The following NTM variants were observed in gnomAD, a reference collection of about 807,000 sequenced individuals.
NTM encodes IgLON family member 2.
NTM carries 13 observed loss-of-function variants against 42.1 expected under a neutral mutation model. The observed-to-expected ratio is 0.31, with a 90% CI of 0.20 to 0.49. The LOEUF is 0.49. Among genes scored for constraint, NTM ranks in the 20% least tolerant of loss-of-function variants. NTM has a pLI of 0.99. For synonymous variants in NTM, 187 were observed against 179.2 expected (o/e 1.04, Z -0.35); for missense variants, 373 against 452.8 (o/e 0.82, Z 1.60).
At chr11:131,391,644 G>T in intron 1 of NTM, among the ~76,000 whole-genome samples, 2 of 81,566 alleles carry the variant, frequency 2.5e-5, no homozygotes, top group African/African-American at 4.6e-5. Context: ...TTTTATCTGG[G>T]AAAAAAAAAA....
chr11:131,999,867 A>G (rs1249634957), intron 2 of NTM, among the ~76,000 whole-genome samples: 1 of 152,180 alleles, frequency 6.6e-6, no homozygotes, highest in Non-Finnish European at 1.5e-5. Context: ...GAGATTTGAC[A>G]GGCTTTATAC....
At chr11:132,061,417 A>C (rs1261526233) in intron 2 of NTM, among the ~76,000 whole-genome samples, 2 of 152,226 alleles carry the variant, frequency 1.3e-5, no homozygotes, top group Non-Finnish European at 2.9e-5. Flanking sequence ...AAATTATTTT[A>C]GGTTTCTTGT....
At chr11:131,535,039 T>A (rs2051935600) in intron 1 of NTM, 1 of 152,326 alleles carries the variant, frequency 6.6e-6, no homozygotes, top group East Asian at 1.9e-4. Context: ...TGAGTTTGCC[T>A]CTCAGGTCCT....
At chr11:132,225,859 C>T (rs1371067727) in intron 4 of NTM, among the ~76,000 whole-genome samples, 1 of 152,088 alleles carries the variant, frequency 6.6e-6, no homozygotes, top group African/African-American at 2.4e-5. Flanking sequence ...TATCCCTCCT[C>T]TAGCCCCCCA....
intron 1 of NTM, among the ~76,000 whole-genome samples, chr11:131,641,595 G>A (rs1052865110): frequency 6.6e-5 from 10 of 152,190 alleles, no homozygotes; most frequent in Admixed American, 4.6e-4. Flanking sequence ...TTTCCAAGGG[G>A]GGGAAGCTAT....
intron 1 of NTM, among the ~76,000 whole-genome samples, chr11:131,899,070 C>T (rs142133857): frequency 2.8e-4 from 42 of 152,250 alleles, no homozygotes; most frequent in Admixed American, 9.8e-4. Flanking sequence ...AGTTTAGAGA[C>T]GTATGTCGTA....
At chr11:131,955,046 G>A (rs2061418284) in intron 2 of NTM, among the ~76,000 whole-genome samples, 3 of 152,090 alleles carry the variant, frequency 2.0e-5, no homozygotes, top group African/African-American at 7.2e-5. Context: ...TCACAAGCAT[G>A]ATTACCTCCT....
intron 2 of NTM, among the ~76,000 whole-genome samples, chr11:131,933,294 G>A (rs1006209440): frequency 2.0e-5 from 3 of 152,170 alleles, no homozygotes; most frequent in African/African-American, 7.2e-5. Context: ...CCCTACACCC[G>A]CAGGCATCAC....
chr11:132,080,779 A>G (rs1225836155), intron 2 of NTM, among the ~76,000 whole-genome samples: 1 of 152,232 alleles, frequency 6.6e-6, no homozygotes, highest in Admixed American at 6.5e-5. Context: ...AATCTAAAAA[A>G]AACTGTGAAA....
At chr11:132,096,364 G>T (rs191577556) in intron 2 of NTM, among the ~76,000 whole-genome samples, 1 of 152,268 alleles carries the variant, frequency 6.6e-6, no homozygotes, top group East Asian at 1.9e-4. Flanking sequence ...GCAGGATAAT[G>T]GTTCCCGCTC....
chr11:131,849,849 AT>A (rs1555153940), intron 1 of NTM, among the ~76,000 whole-genome samples: 1 of 151,134 alleles, frequency 6.6e-6, no homozygotes, highest in Non-Finnish European at 1.5e-5. Context: ...GAGGGATAGC[AT>A]TAGGAGATAT....
At chr11:131,791,497 A>G (rs892068495) in intron 1 of NTM, among the ~76,000 whole-genome samples, 5 of 152,346 alleles carry the variant, frequency 3.3e-5, no homozygotes, top group East Asian at 3.9e-4. Context: ...CTAACTGAAT[A>G]CAACTATGTA....
intron 2 of NTM, among the ~76,000 whole-genome samples, chr11:132,080,931 C>T (rs926113110): frequency 5.9e-5 from 9 of 152,136 alleles, no homozygotes; most frequent in Admixed American, 4.6e-4. Flanking sequence ...GTGCTAGATA[C>T]AGTAAAAATG....
chr11:131,488,423 T>A (rs986162183), intron 1 of NTM, among the ~76,000 whole-genome samples: 2 of 151,984 alleles, frequency 1.3e-5, no homozygotes, highest in African/African-American at 2.4e-5. Context: ...TAGCCTGAAC[T>A]TTTTTTTATG....
chr11:131,861,862 G>T (rs1565641839), intron 1 of NTM, among the ~76,000 whole-genome samples: 1 of 152,164 alleles, frequency 6.6e-6, no homozygotes, highest in East Asian at 1.9e-4. Flanking sequence ...CACTAGGTAG[G>T]CCTGTCTCCA....
intron 2 of NTM, among the ~76,000 whole-genome samples, chr11:132,026,458 T>A (rs897382547): frequency 6.6e-6 from 1 of 152,234 alleles, no homozygotes; most frequent in Non-Finnish European, 1.5e-5. Context: ...GAAGCTCTTT[T>A]TAGGTTCCAG....
chr11:132,052,216 A>G (rs754037196), intron 2 of NTM, among the ~76,000 whole-genome samples: 46 of 152,212 alleles, frequency 3.0e-4, no homozygotes, highest in Non-Finnish European at 5.3e-4. Flanking sequence ...TTAATCCTTA[A>G]TCCACAAAGC....
Position 132,163,552 on chromosome 11 carries a change from G to A in NTM, c.400+17038G>A, listed in dbSNP as rs535405957. 7.2e-5 allele frequency among the ~76,000 whole-genome samples: 11 copies of A among 152,318 alleles called. No homozygotes were observed. In the East Asian group the frequency reaches 1.9e-3, roughly 27 times the overall value. On this transcript the variant is annotated intron_variant, in intron 3 of 8. Coordinates refer to ENST00000683400, the MANE Select transcript of NTM (RefSeq NM_001352005.2). ...GTCATTTCCCTTCCTTTAGAAATGA[G>A]GAGACCAACTAACCCAAGGAAGGTT...
chr11:131,675,443 T>G (rs2071209274), intron 1 of NTM, among the ~76,000 whole-genome samples: 1 of 152,236 alleles, frequency 6.6e-6, no homozygotes, highest in South Asian at 2.1e-4. Flanking sequence ...CTTTTTGGAA[T>G]GGTGGCCGCA....
Sources: gnomAD v4.1 joint callset for allele counts (sites outside exome capture counted in the v4.1 genomes callset) on GRCh38, gnomAD v4.1.1 for gene constraint, MANE v1.5 for transcripts, NCBI Gene and HGNC (gene_info 2026-07-23, HGNC 2026-07-21) for gene names.